ADARB2: variants seen among roughly 807,000 people sequenced by gnomAD.
ADARB2 encodes the protein inactive double-stranded RNA-specific editase B2.
A neutral mutation model predicts 62.2 loss-of-function variants in ADARB2; 25 were observed. The ratio of observed to expected loss-of-function variants is 0.40; its 90% CI spans 0.29 to 0.56. The LOEUF (loss-of-function observed/expected upper bound fraction) is 0.56, where lower values mean the gene tolerates loss of function less well. Among genes scored for constraint, ADARB2 ranks in the 20% least tolerant of loss-of-function variants. The probability of loss-of-function intolerance (pLI) is 0.43; values close to 1 mark genes in which losing one functional copy is unlikely to be tolerated. For synonymous variants in ADARB2, 572 were observed against 500.8 expected (o/e 1.14, Z -1.90); for missense variants, 1,071 against 1,077.4 (o/e 0.99, Z 0.08).
chr10:1,353,546 A>G lies in ADARB2; in HGVS notation c.1077+9482T>C, dbSNP rs141708662. Reference sequence around the variant, plus strand: ...CCCAGACATTTCACATCAGCAAGCCACCGCCCTCCTCCGCACTTACTTAAA... The same window carrying G: ...CCCAGACATTTCACATCAGCAAGCCGCCGCCCTCCTCCGCACTTACTTAAA... On this transcript the variant is annotated intron_variant, in intron 3 of 9. Coordinates refer to ENST00000381312, the MANE Select transcript of ADARB2 (RefSeq NM_018702.4). Among the ~76,000 whole-genome samples the G allele has an allele frequency of 6.5e-3, 985 of 152,160 alleles. 15 individuals carry two copies. The highest frequency in any genetic ancestry group is 0.022 in the African/African-American group (924 of 41,510).
intron 1 of ADARB2, among the ~76,000 whole-genome samples, chr10:1,727,849 C>A (rs776264705): frequency 6.6e-6 from 1 of 152,158 alleles, no homozygotes; most frequent in Admixed American, 6.5e-5. Context: ...CTTTGCCTGT[C>A]TCACGGTAGG....
chr10:1,278,169 G>A (rs908869678), intron 3 of ADARB2, among the ~76,000 whole-genome samples: 7 of 152,044 alleles, frequency 4.6e-5, no homozygotes, highest in Non-Finnish European at 8.8e-5. Flanking sequence ...TAGTAGAGAT[G>A]GAGTTTTGCC....
rs11250317 is a variant in ADARB2 at position 1,182,965 on chromosome 10, A to G, written c.*228T>C. 0.16 allele frequency: 86,013 copies of G among 542,892 alleles called. 8,387 individuals carry two copies. Among genetic ancestry groups the G allele is most frequent in the Non-Finnish European group, 0.2 (60,629 of 305,368 alleles). The allele number at this position is 542,892 out of a possible 1,614,324, so 33.6% of individuals were successfully genotyped here. On this transcript the variant is annotated 3_prime_UTR_variant, in exon 10 of 10. Coordinates refer to ENST00000381312, the MANE Select transcript of ADARB2 (RefSeq NM_018702.4). ...CAGGAAGAGTCGGCGCTAACTCAAC[A>G]GTGCATGTGCCCCTGGGTGTGGGGG... is the stretch of plus-strand genomic sequence containing the variant.
At chr10:1,561,034 A>G (rs1164765787) in intron 1 of ADARB2, among the ~76,000 whole-genome samples, 4 of 152,236 alleles carry the variant, frequency 2.6e-5, no homozygotes, top group Admixed American at 6.5e-5. Flanking sequence ...AACGTGAGCC[A>G]CAGGGGTACC....
chr10:1,363,644 G>C lies in ADARB2; in HGVS notation c.461C>G (p.Pro154Arg), dbSNP rs1387114893. 6.2e-7 allele frequency: 1 copy of C among 1,605,496 alleles called. No individual in the cohort carries two copies. Among genetic ancestry groups the C allele is most frequent in the Non-Finnish European group, 8.5e-7 (1 of 1,175,930 alleles). The stretch of plus-strand genomic sequence containing the variant: ...CACCTCCACCGCTACCGCGAAGACC[G>C]GGGCATGCACCGGGCCCGTCTGCGA... ...TVSQTGPVHAPVFAVAVEVNG... is the reference protein window; with the variant it reads ...TVSQTGPVHARVFAVAVEVNG... The change falls in exon 3 of 10, where the codon CCG (proline) becomes CGG (arginine). Residue 154 changes from proline (P) to arginine (R), a missense_variant. Transcript: ENST00000381312.
intron 8 of ADARB2, among the ~76,000 whole-genome samples, chr10:1,198,539 A>T (rs1392828): frequency 2.0e-5 from 3 of 151,788 alleles, no homozygotes; most frequent in African/African-American, 7.3e-5. Context: ...GCTCATTTGC[A>T]TCTGCAAAAT....
At chr10:1,202,519 C>T (rs1402656217) in intron 7 of ADARB2, among the ~76,000 whole-genome samples, 2 of 152,144 alleles carry the variant, frequency 1.3e-5, no homozygotes, top group African/African-American at 2.4e-5. Context: ...GATTTGGCTT[C>T]TTCCCTTGAC....
At chr10:1,578,591 G>A (rs544679308) in intron 1 of ADARB2, among the ~76,000 whole-genome samples, 9 of 152,062 alleles carry the variant, frequency 5.9e-5, no homozygotes, top group Admixed American at 2.0e-4. Context: ...GGGTGCTGTC[G>A]GGCCGGGTAC....
Position 1,519,562 on chromosome 10 carries a change from C to T in ADARB2, c.101-140402G>A, listed in dbSNP as rs138983152. On this transcript the variant is annotated intron_variant, in intron 1 of 9. Transcript: ENST00000381312. The stretch of plus-strand genomic sequence containing the variant: ...TGGGCCAGCAGAGAGCCATCATCCC[C>T]GGTGCCCTACTGTGGTTCAGGTGGT... 2.3e-4 allele frequency among the ~76,000 whole-genome samples: 35 copies of T among 152,194 alleles called. 1 individual carries two copies. Among genetic ancestry groups the T allele is most frequent in the East Asian group, 1.9e-4 (1 of 5,206 alleles).
intron 1 of ADARB2, among the ~76,000 whole-genome samples, chr10:1,528,910 G>A (rs1379976052): frequency 1.3e-5 from 2 of 152,058 alleles, no homozygotes; most frequent in Non-Finnish European, 2.9e-5. Flanking sequence ...GACTGGACTC[G>A]TCCTGCCCCT....
intron 1 of ADARB2, among the ~76,000 whole-genome samples, chr10:1,599,274 C>T (rs775618904): frequency 2.0e-5 from 3 of 152,128 alleles, no homozygotes; most frequent in Non-Finnish European, 4.4e-5. Context: ...TGTTCTATGA[C>T]CAGGGACTGA....
chr10:1,249,708 C>T (rs1831019193), intron 4 of ADARB2, among the ~76,000 whole-genome samples: 2 of 151,888 alleles, frequency 1.3e-5, no homozygotes, highest in Admixed American at 6.6e-5. Context: ...GGAACATCTG[C>T]TGCAGCCATT....
chr10:1,600,518 T>C (rs891164425), intron 1 of ADARB2, among the ~76,000 whole-genome samples: 4 of 152,066 alleles, frequency 2.6e-5, no homozygotes, highest in South Asian at 4.2e-4. Context: ...AAAAAGTAGC[T>C]GGGCGTGGTG....
intron 1 of ADARB2, among the ~76,000 whole-genome samples, chr10:1,659,508 G>A (rs984265452): frequency 1.3e-5 from 2 of 152,268 alleles, no homozygotes; most frequent in African/African-American, 4.8e-5. Flanking sequence ...CCTGGAAGGA[G>A]CCTGGAGCCC....
At position 1,303,681 on chromosome 10, in the gene ADARB2, C is replaced by T. The variant is rs890445490; in HGVS notation, c.1078-32612G>A. Among the ~76,000 whole-genome samples the T allele has an allele frequency of 9.2e-5, 14 of 152,222 alleles. No homozygotes were observed. The South Asian group carries it at 2.3e-3, about 25-fold the overall frequency. ...CCCATCAGACTAACAGCTGATCTCT[C>T]GGCAGAAACCCTACAAGCCAGAAGA... On this transcript the variant is annotated intron_variant, in intron 3 of 9. Coordinates refer to ENST00000381312, the MANE Select transcript of ADARB2 (RefSeq NM_018702.4).
At chr10:1,276,839 T>C (rs901398266) in intron 3 of ADARB2, among the ~76,000 whole-genome samples, 1 of 152,194 alleles carries the variant, frequency 6.6e-6, no homozygotes, top group African/African-American at 2.4e-5. Flanking sequence ...ATTCCAAAAT[T>C]GACCACTTAG....
intron 1 of ADARB2, among the ~76,000 whole-genome samples, chr10:1,598,552 C>T (rs564876540): frequency 1.2e-4 from 19 of 152,220 alleles, no homozygotes; most frequent in East Asian, 5.8e-4. Flanking sequence ...TTGCTTGGAC[C>T]GAAACGGGTC....
In ADARB2 at chr10:1,736,986, A is replaced by G; in HGVS notation, c.100+65T>C. 2.0e-6 allele frequency: 3 copies of G among 1,534,032 alleles called. No individual in the cohort carries two copies. The South Asian group carries it at 3.4e-5, about 17-fold the overall frequency. On this transcript the variant is annotated intron_variant, in intron 1 of 9. Transcript: ENST00000381312. ...AACGGACAAGCCCGGAGACCCCATGAGAGGCCGGGGTGGAGAAGCCGGGGG... is the reference window on the plus strand; with the variant it reads ...AACGGACAAGCCCGGAGACCCCATGGGAGGCCGGGGTGGAGAAGCCGGGGG...
chr10:1,399,418 T>G (rs1051939313), intron 1 of ADARB2, among the ~76,000 whole-genome samples: 1 of 151,648 alleles, frequency 6.6e-6, no homozygotes, highest in Non-Finnish European at 1.5e-5. Context: ...TTATAAAGAA[T>G]CTGGCCAATC....
Sources: gnomAD v4.1 joint callset for allele counts (sites outside exome capture counted in the v4.1 genomes callset) on GRCh38, gnomAD v4.1.1 for gene constraint, MANE v1.5 for transcripts, NCBI Gene and HGNC (gene_info 2026-07-23, HGNC 2026-07-21) for gene names.